Variants in AGBL1 observed in about 807,000 individuals in gnomAD.
AGBL1 encodes the protein cytosolic carboxypeptidase 4.
A neutral mutation model predicts 118.9 loss-of-function variants in AGBL1; 130 were observed. The observed-to-expected ratio is 1.09, with a 90% confidence interval of 0.95 to 1.26. AGBL1 has a LOEUF of 1.26. Ranked by LOEUF, AGBL1 falls within the 50% of genes most tolerant of loss-of-function variation. The probability of loss-of-function intolerance (pLI) is 0.00; values close to 1 mark genes in which losing one functional copy is unlikely to be tolerated. For synonymous variants in AGBL1, 555 were observed against 478.9 expected (o/e 1.16, Z -2.08); for missense variants, 1,584 against 1,298.1 (o/e 1.22, Z -3.38).
At position 86,554,399 on chromosome 15, in the gene AGBL1, C is replaced by A; in HGVS notation, c.2856C>A (p.Phe952Leu). The A allele has an allele frequency of 6.3e-7, 1 of 1,587,450 alleles. No homozygotes were observed. The highest frequency in any genetic ancestry group is 8.6e-7 in the Non-Finnish European group (1 of 1,166,818). ...TCCTTGATAAGCTAGCACCAGCATTCACAATGAGCAGCTGCAGCTTTCTCG... is the reference window on the plus strand; with the variant it reads ...TCCTTGATAAGCTAGCACCAGCATTAACAATGAGCAGCTGCAGCTTTCTCG... ...PKILDKLAPA[F>L]TMSSCSFLVE... The change falls in exon 21 of 23, where the codon TTC (phenylalanine) becomes TTA (leucine). Residue 952 changes from phenylalanine (F) to leucine (L), a missense_variant. Physicochemically the swap from Phe to Leu is conservative, Grantham distance 22 (BLOSUM62 0). Transcript: ENST00000614907.
intron 22 of AGBL1, among the ~76,000 whole-genome samples, chr15:86,883,095 T>C (rs1030276126): frequency 4.6e-5 from 7 of 152,244 alleles, no homozygotes; most frequent in African/African-American, 1.7e-4. Flanking sequence ...CATCTAATTA[T>C]ATCCTCATTA....
chr15:86,806,141 A>G (rs951539522), intron 22 of AGBL1, among the ~76,000 whole-genome samples: 4 of 152,026 alleles, frequency 2.6e-5, no homozygotes, highest in African/African-American at 7.2e-5. Flanking sequence ...ATATTCCAGA[A>G]ACTTGGAGCC....
chr15:86,605,075 G>A (rs112489452), intron 21 of AGBL1, among the ~76,000 whole-genome samples: 2,941 of 152,204 alleles, frequency 0.019, 101 homozygotes, highest in African/African-American at 0.064. Flanking sequence ...GATTACAGGC[G>A]TGAGCCACCG....
intron 24 of AGBL1, among the ~76,000 whole-genome samples, chr15:86,991,196 C>T (rs538644072): frequency 6.6e-6 from 1 of 152,182 alleles, no homozygotes; most frequent in Non-Finnish European, 1.5e-5. Flanking sequence ...TTTTCTCTGG[C>T]AAATGATACA....
intron 23 of AGBL1, among the ~76,000 whole-genome samples, chr15:86,959,286 TA>T (rs1031838879): frequency 1.3e-5 from 2 of 152,030 alleles, no homozygotes; most frequent in African/African-American, 2.4e-5. Context: ...TAATATTTAG[TA>T]AAAAAAATTA....
chr15:86,144,896 C>T (rs1179582603), intron 3 of AGBL1, among the ~76,000 whole-genome samples: 5 of 152,170 alleles, frequency 3.3e-5, no homozygotes, highest in Admixed American at 1.3e-4. Flanking sequence ...AACTGTTTAG[C>T]TTAACGTAAC....
intron 17 of AGBL1, among the ~76,000 whole-genome samples, chr15:86,333,712 C>T (rs145901285): frequency 1.3e-3 from 200 of 152,286 alleles, no homozygotes; most frequent in Non-Finnish European, 2.1e-3. Flanking sequence ...GATACCAAAA[C>T]CTGGCAAAGA....
At chr15:86,683,626 G>A (rs1432875500) in intron 22 of AGBL1, among the ~76,000 whole-genome samples, 1 of 152,068 alleles carries the variant, frequency 6.6e-6, no homozygotes, top group Non-Finnish European at 1.5e-5. Context: ...CCAAATGAAC[G>A]GCAGGTCTCT....
chr15:86,821,227 G>A (rs561529533), intron 22 of AGBL1, among the ~76,000 whole-genome samples: 1 of 152,158 alleles, frequency 6.6e-6, no homozygotes, highest in East Asian at 1.9e-4. Flanking sequence ...ACCTAATATA[G>A]ATGACGGGTT....
At chr15:86,264,987 C>T in intron 11 of AGBL1, 149 bp downstream of exon 11, 1 of 797,422 alleles carries the variant, frequency 1.3e-6, no homozygotes, top group Non-Finnish European at 1.8e-6. Context: ...TGGCCAAACA[C>T]ACAAACTTTG....
At chr15:86,816,332 G>A (rs1008728224) in intron 22 of AGBL1, among the ~76,000 whole-genome samples, 1 of 152,228 alleles carries the variant, frequency 6.6e-6, no homozygotes, top group African/African-American at 2.4e-5. Context: ...ATACACCGCA[G>A]AATAGTGAGG....
chr15:86,380,289 TTC>T (rs1381902165), intron 17 of AGBL1, among the ~76,000 whole-genome samples: 3,749 of 136,290 alleles, frequency 0.028, 39 homozygotes, highest in African/African-American at 0.07. Context: ...TTTTTTTTTT[TTC>T]TTTTTCTTTT....
chr15:86,383,044 G>A (rs1274072106), intron 17 of AGBL1, among the ~76,000 whole-genome samples: 1 of 151,944 alleles, frequency 6.6e-6, no homozygotes, highest in Non-Finnish European at 1.5e-5. Context: ...CTGTTTTTCA[G>A]CTTCAGACTC....
chr15:86,515,273 C>A (rs1354359516), intron 18 of AGBL1, among the ~76,000 whole-genome samples: 4 of 152,070 alleles, frequency 2.6e-5, no homozygotes, highest in Non-Finnish European at 5.9e-5. Flanking sequence ...TTACCTTGTG[C>A]CTGCTCTTAG....
intron 22 of AGBL1, among the ~76,000 whole-genome samples, chr15:86,874,157 T>C (rs1405549573): frequency 6.6e-6 from 1 of 152,112 alleles, no homozygotes; most frequent in Non-Finnish European, 1.5e-5. Context: ...TCCTATAATA[T>C]CATGAAAAAG....
chr15:86,713,494 A>G (rs1486429973), intron 22 of AGBL1, among the ~76,000 whole-genome samples: 1 of 152,148 alleles, frequency 6.6e-6, no homozygotes, highest in East Asian at 1.9e-4. Flanking sequence ...TACAATTATA[A>G]GTATTACATT....
At chr15:86,171,020 A>G (rs1225807736) in intron 5 of AGBL1, among the ~76,000 whole-genome samples, 1 of 152,210 alleles carries the variant, frequency 6.6e-6, no homozygotes, top group Non-Finnish European at 1.5e-5. Flanking sequence ...AGCATTTTTG[A>G]AGTATGGAAT....
Position 86,386,763 on chromosome 15 carries a change from A to T in AGBL1, c.2375-10603A>T, listed in dbSNP as rs543752289. On this transcript the variant is annotated intron_variant, in intron 17 of 22. Coordinates refer to ENST00000614907, the MANE Select transcript of AGBL1 (RefSeq NM_001386094.1). ...AGCCTGGGACCTTCATAGTACTTAC[A>T]TGATGTTATTGTCTCCCTTCTCCAC... is the stretch of plus-strand genomic sequence containing the variant. Among the ~76,000 whole-genome samples the T allele has an allele frequency of 3.9e-5, 6 of 152,258 alleles. No individual in the cohort carries two copies. In the East Asian group the frequency reaches 1.2e-3, roughly 29 times the overall value.
intron 22 of AGBL1, among the ~76,000 whole-genome samples, chr15:86,720,659 G>A (rs148427974): frequency 2.0e-5 from 3 of 152,298 alleles, no homozygotes; most frequent in East Asian, 1.9e-4. Context: ...GAAAGAATGC[G>A]AAGTTGCTGA....
Sources: gnomAD v4.1 joint callset for allele counts (sites outside exome capture counted in the v4.1 genomes callset) on GRCh38, gnomAD v4.1.1 for gene constraint, MANE v1.5 for transcripts, NCBI Gene and HGNC (gene_info 2026-07-23, HGNC 2026-07-21) for gene names.